The following ZFYVE9 variants were observed in gnomAD, a reference collection of about 807,000 sequenced individuals.
ZFYVE9 encodes zinc finger FYVE-type containing 9, also known as zinc finger FYVE domain-containing protein 9.
In ZFYVE9, 43 loss-of-function variants were observed where a neutral mutation model predicts 126.7. The observed-to-expected ratio is 0.34, with a 90% CI of 0.27 to 0.44. ZFYVE9 has a LOEUF of 0.44. Among genes scored for constraint, ZFYVE9 ranks in the 20% least tolerant of loss-of-function variants. The pLI is 1.00. For missense variants in ZFYVE9, 1,476 were observed against 1,697.0 expected, an observed-to-expected ratio of 0.87 and a Z score of 2.29; for synonymous variants, 521 against 597.4, an observed-to-expected ratio of 0.87 and a Z score of 1.87.
At chr1:52,218,780 G>T (rs1172611470) in intron 2 of ZFYVE9, among the ~76,000 whole-genome samples, 3 of 152,206 alleles carry the variant, frequency 2.0e-5, no homozygotes, top group African/African-American at 7.2e-5. Flanking sequence ...GCGAGAAATG[G>T]TTTGATTTTT....
chr1:52,311,604 T>C (rs1646137373), intron 13 of ZFYVE9, among the ~76,000 whole-genome samples: 1 of 152,034 alleles, frequency 6.6e-6, no homozygotes. Context: ...CCTTAGTGGG[T>C]TAATCTCTCT....
intron 4 of ZFYVE9, among the ~76,000 whole-genome samples, chr1:52,254,673 A>C (rs1418570679): frequency 6.6e-6 from 1 of 152,116 alleles, no homozygotes; most frequent in Non-Finnish European, 1.5e-5. Flanking sequence ...TTGTGTCCAA[A>C]ATTGGATAAT....
intron 1 of ZFYVE9, chr1:52,160,220 A>G (rs975327174): frequency 4.0e-6 from 3 of 758,424 alleles, no homozygotes; most frequent in South Asian, 1.5e-5. Context: ...AGCTGCTCCC[A>G]TCGCATCACG....
intron 1 of ZFYVE9, among the ~76,000 whole-genome samples, chr1:52,175,400 G>A (rs2124530638): frequency 6.6e-6 from 1 of 151,834 alleles, no homozygotes; most frequent in African/African-American, 2.4e-5. Flanking sequence ...GCTTCCCTTT[G>A]TGGGTAACCC....
chr1:52,346,298 T>C lies in ZFYVE9; in HGVS notation c.*77T>C. The C allele has an allele frequency of 2.2e-6, 3 of 1,370,242 alleles. No homozygotes were observed. The highest frequency in any genetic ancestry group is 3.0e-5 in the African/African-American group (2 of 67,636). 84.9% of individuals were successfully genotyped at this position (1,370,242 alleles called of 1,614,324 possible). On this transcript the variant is annotated 3_prime_UTR_variant, in exon 19 of 19. Transcript: ENST00000287727. ...ACCCAAATCATTTGCACTTTAAAAC[T>C]GGAAGATTAAGCTTTTGTTAACACT...
At chr1:52,316,538 A>C (rs1014776169) in intron 13 of ZFYVE9, among the ~76,000 whole-genome samples, 2 of 152,128 alleles carry the variant, frequency 1.3e-5, no homozygotes, top group Non-Finnish European at 2.9e-5. Context: ...ATATTAATTA[A>C]AGCTGAAATG....
At chr1:52,267,911 A>G (rs1051406258) in intron 6 of ZFYVE9, among the ~76,000 whole-genome samples, 1 of 152,152 alleles carries the variant, frequency 6.6e-6, no homozygotes, top group Non-Finnish European at 1.5e-5. Context: ...CTTCAGTTAC[A>G]CTTCAGGCAA....
chr1:52,255,452 G>T (rs1281377324), intron 4 of ZFYVE9, among the ~76,000 whole-genome samples: 1 of 151,976 alleles, frequency 6.6e-6, no homozygotes, highest in African/African-American at 2.4e-5. Flanking sequence ...GGGCATGGTG[G>T]CACATGCCTG....
intron 1 of ZFYVE9, among the ~76,000 whole-genome samples, chr1:52,151,211 T>C (rs1324238446): frequency 6.6e-6 from 1 of 152,198 alleles, no homozygotes; most frequent in Non-Finnish European, 1.5e-5. Context: ...TCCTTGATTC[T>C]TTTACCTTGT....
intron 17 of ZFYVE9, among the ~76,000 whole-genome samples, chr1:52,343,508 C>G (rs1425212786): frequency 1.3e-5 from 2 of 150,978 alleles, no homozygotes; most frequent in Non-Finnish European, 2.9e-5. Flanking sequence ...GTAATCGTAG[C>G]ACTTTGGGAG....
At position 52,143,435 on chromosome 1, in the gene ZFYVE9, A is replaced by T. The variant is rs1023684917; in HGVS notation, c.-143+1032A>T. Among the ~76,000 whole-genome samples the T allele has an allele frequency of 3.3e-5, 5 of 152,230 alleles. No individual in the cohort carries two copies. The South Asian group carries it at 6.2e-4, about 19-fold the overall frequency. ...TTTTCCTGTTATGTATGTGAAAGTTATAAGACTTATAGGTACTTGCAAAAC... is the reference window on the plus strand; with the variant it reads ...TTTTCCTGTTATGTATGTGAAAGTTTTAAGACTTATAGGTACTTGCAAAAC... On this transcript the variant is annotated intron_variant, in intron 1 of 18. Transcript: ENST00000287727.
At chr1:52,169,846 C>T (rs1030757389) in intron 1 of ZFYVE9, among the ~76,000 whole-genome samples, 1 of 152,168 alleles carries the variant, frequency 6.6e-6, no homozygotes, top group Admixed American at 6.5e-5. Flanking sequence ...TAACTCCTTG[C>T]TATCCTCTTA....
intron 7 of ZFYVE9, among the ~76,000 whole-genome samples, chr1:52,272,671 A>ACCTTTTTTTTTTTTTTTTTTTT (rs1162973754): frequency 7.4e-5 from 10 of 134,858 alleles, no homozygotes; most frequent in South Asian, 2.3e-4. Flanking sequence ...GCTAGAAATA[A>ACCTTTTTTTTTTTTTTTTTTTT]TCTTTTTTTT....
chr1:52,327,680 AAAGGG>A (rs1646305194), intron 13 of ZFYVE9, among the ~76,000 whole-genome samples: 1 of 151,906 alleles, frequency 6.6e-6, no homozygotes, highest in African/African-American at 2.4e-5. Flanking sequence ...TGGGAGAAGA[AAAGGG>A]AAGGTAGGCC....
chr1:52,336,945 C>CT (rs1328938587), intron 15 of ZFYVE9, among the ~76,000 whole-genome samples: 1 of 34,836 alleles, frequency 2.9e-5, no homozygotes, highest in Non-Finnish European at 6.4e-5. Flanking sequence ...GCAGTCATCT[C>CT]TTAAAAAAAA....
At chr1:52,200,418 C>T (rs151304676) in intron 1 of ZFYVE9, among the ~76,000 whole-genome samples, 191 of 152,128 alleles carry the variant, frequency 1.3e-3, no homozygotes, top group African/African-American at 4.2e-3. Flanking sequence ...TGAGCTCAAG[C>T]GATCCACCCA....
chr1:52,266,412 A>T, intron 5 of ZFYVE9, among the ~76,000 whole-genome samples: 1 of 143,984 alleles, frequency 6.9e-6, no homozygotes, highest in Non-Finnish European at 1.5e-5. Flanking sequence ...CTTTAAAAAA[A>T]AAAAAAAAAA....
At position 52,239,515 on chromosome 1, in the gene ZFYVE9, T is replaced by C. The variant is rs1645312538; in HGVS notation, c.2098T>C (p.Ser700Pro). Reference protein sequence around the residue: ...GEVAPVWVPDSQAPNCMKCEA... With the variant: ...GEVAPVWVPDPQAPNCMKCEA... ...GGTGGCTCCAGTATGGGTACCGGAT[T>C]CTCAGGCTCCAAATTGCATGAAATG... The change falls in exon 4 of 19, where the codon TCT becomes CCT. Residue 700 changes from serine to proline, a missense_variant. Coordinates refer to ENST00000287727, the MANE Select transcript of ZFYVE9 (RefSeq NM_004799.4). The C allele has an allele frequency of 6.2e-7, 1 of 1,614,126 alleles. No individual in the cohort carries two copies. Among genetic ancestry groups the C allele is most frequent in the Non-Finnish European group, 8.5e-7 (1 of 1,179,994 alleles).
chr1:52,257,406 G>T (rs769412788), intron 4 of ZFYVE9, among the ~76,000 whole-genome samples: 11 of 152,094 alleles, frequency 7.2e-5, no homozygotes, highest in Admixed American at 5.2e-4. Context: ...GAACACAGAA[G>T]TGCCACATTT....
Sources: gnomAD v4.1 joint callset for allele counts (sites outside exome capture counted in the v4.1 genomes callset) on GRCh38, gnomAD v4.1.1 for gene constraint, MANE v1.5 for transcripts, NCBI Gene and HGNC (gene_info 2026-07-23, HGNC 2026-07-21) for gene names.